Variants in APOBEC3H observed in about 807,000 individuals in gnomAD.
APOBEC3H encodes DNA dC->dU-editing enzyme APOBEC-3H.
APOBEC3H carries 8 observed loss-of-function variants against 21.2 expected under a neutral mutation model. The observed-to-expected ratio is 0.38, with a 90% CI of 0.22 to 0.68. The LOEUF (loss-of-function observed/expected upper bound fraction) is 0.68, where lower values mean the gene tolerates loss of function less well. APOBEC3H is among the 30% of genes least tolerant of loss of function. APOBEC3H has a pLI of 0.52. For missense variants in APOBEC3H, 229 were observed against 228.1 expected (o/e 1.00, Z -0.03); for synonymous variants, 88 against 91.0 (o/e 0.97, Z 0.19).
chr22:39,098,820 A>G (rs1384210923), intron 1 of APOBEC3H, among the ~76,000 whole-genome samples: 2 of 152,198 alleles, frequency 1.3e-5, no homozygotes, highest in East Asian at 3.9e-4. Flanking sequence ...AGCAGAATAG[A>G]AAGTAGATGG....
intron 2 of APOBEC3H, among the ~76,000 whole-genome samples, chr22:39,100,706 C>A (rs951887517): frequency 6.6e-6 from 1 of 152,116 alleles, no homozygotes; most frequent in African/African-American, 2.4e-5. Flanking sequence ...CTCATTCTCC[C>A]GATCTCAGCT....
intron 4 of APOBEC3H, 141 bp from the exon 5 acceptor site, chr22:39,103,548 C>A: frequency 1.2e-6 from 1 of 812,522 alleles, no homozygotes; most frequent in Non-Finnish European, 2.2e-6. Flanking sequence ...TTGTCACCTC[C>A]GTGTTTTTCT....
At chr22:39,100,194 T>C (rs139291) in intron 1 of APOBEC3H, 78 bp from the exon 2 acceptor site, 551,554 of 1,493,872 alleles carry the variant, frequency 0.37, 104,821 homozygotes, top group African/African-American at 0.54. Flanking sequence ...AAGAGTTGGG[T>C]TTGAAAAGTG....
intron 2 of APOBEC3H, 69 bp from the exon 3 acceptor site, chr22:39,101,168 G>GC: frequency 5.3e-6 from 1 of 189,352 alleles, no homozygotes; most frequent in Non-Finnish European, 8.1e-6. Context: ...CCCGGCCCCC[G>GC]CCCCCAGTCA....
intron 1 of APOBEC3H, among the ~76,000 whole-genome samples, chr22:39,098,276 A>G (rs1428822621): frequency 6.6e-6 from 1 of 152,150 alleles, no homozygotes; most frequent in Non-Finnish European, 1.5e-5. Flanking sequence ...GGGGTGTCTC[A>G]GTCTGTTGCC....
In APOBEC3H at chr22:39,101,357, G is replaced by T; in HGVS notation, c.271G>T (p.Glu91Ter). The change falls in exon 3 of 5, where the codon GAG becomes TAG. Residue 91 changes from glutamate (E) to a stop codon, truncating the protein, a stop_gained. Coordinates refer to ENST00000442487, the MANE Select transcript of APOBEC3H (RefSeq NM_181773.5). LOFTEE classifies it high-confidence loss of function. Reference sequence around the variant, plus strand: ...GAGCCCCTGCTCCTCCTGTGCCTGGGAGCTGGTTGACTTCATCAAGGCTCA... The same window carrying T: ...GAGCCCCTGCTCCTCCTGTGCCTGGTAGCTGGTTGACTTCATCAAGGCTCA... ...TWSPCSSCAW[E>*]LVDFIKAHDH... The T allele has an allele frequency of 6.2e-7, 1 of 1,612,924 alleles. No homozygotes were observed. The highest frequency in any genetic ancestry group is 2.2e-5 in the East Asian group (1 of 44,728).
At chr22:39,102,381 C>T in intron 4 of APOBEC3H, 1 of 655,624 alleles carries the variant, frequency 1.5e-6, no homozygotes, top group East Asian at 2.8e-5. Context: ...AACTCTTGGC[C>T]TCAAGTGACC....
chr22:39,101,170 C>CCCCCCCCCCCCCCA, intron 2 of APOBEC3H, 67 bp from the exon 3 acceptor site: 1 of 1,200,024 alleles, frequency 8.3e-7, no homozygotes, highest in Non-Finnish European at 1.2e-6. Context: ...CGGCCCCCGC[C>CCCCCCCCCCCCCCA]CCCAGTCACA....
chr22:39,100,600 G>A, intron 2 of APOBEC3H, 172 bp downstream of exon 2: 2 of 881,038 alleles, frequency 2.3e-6, no homozygotes, highest in Non-Finnish European at 3.3e-6. Context: ...GATCTGAGTG[G>A]CCCAGTTTCC....
At chr22:39,097,372 C>T (rs1293688293) in intron 1 of APOBEC3H, 29 bp downstream of exon 1, 1 of 152,914 alleles carries the variant, frequency 6.5e-6, no homozygotes, top group Non-Finnish European at 1.5e-5. Context: ...TCCACTGGGC[C>T]CTCTGCTGCC....
At chr22:39,098,079 C>G (rs139279) in intron 1 of APOBEC3H, among the ~76,000 whole-genome samples, 61,770 of 151,866 alleles carry the variant, frequency 0.41, 13,019 homozygotes, top group African/African-American at 0.52. Context: ...TGGCCCAGCT[C>G]CATGGCCTGG....
intron 1 of APOBEC3H, among the ~76,000 whole-genome samples, chr22:39,099,365 T>C (rs1290269994): frequency 6.6e-6 from 1 of 152,274 alleles, no homozygotes; most frequent in East Asian, 1.9e-4. Flanking sequence ...AACTGTGTTC[T>C]GTGCAGACAA....
intron 4 of APOBEC3H, chr22:39,102,670 T>A: frequency 1.5e-6 from 1 of 687,924 alleles, no homozygotes. Flanking sequence ...CGTCTATTAT[T>A]TACATCTTTA....
At chr22:39,101,113 A>C in intron 2 of APOBEC3H, 124 bp from the exon 3 acceptor site, 1 of 907,320 alleles carries the variant, frequency 1.1e-6, no homozygotes, top group Admixed American at 2.5e-5. Context: ...ACGCACTAGA[A>C]AGTTCACCGG....
In APOBEC3H at chr22:39,101,467, T is replaced by C. The variant is rs1287987430; in HGVS notation, c.381T>C (p.Cys127=). Residue 127 remains cysteine, a synonymous_variant, in exon 3 of 5, where the codon TGT becomes TGC. Transcript: ENST00000442487. ...KPQQKGLRLL[C]GSQVPVEVMG... is the part of the protein sequence containing the mutation. ...AGCAGAAGGGGCTGCGGCTTCTGTG[T>C]GGATCCCAGGTCCCGGTGGAGGTCA... The C allele has an allele frequency of 1.9e-6, 3 of 1,606,858 alleles. No homozygotes were observed. In the South Asian group the frequency reaches 3.3e-5, roughly 18 times the overall value.
chr22:39,101,225 G>C lies in APOBEC3H; in HGVS notation c.151-12G>C, dbSNP rs1281428441. On this transcript the variant is annotated splice_polypyrimidine_tract_variant and intron_variant, in intron 2 of 4. Transcript: ENST00000442487. ...TCTCCCCTCCCTTCTCTCTGTTTGG[G>C]ACCCTCCCCAGAAAAAGTGCCATGC... 1.9e-6 allele frequency: 3 copies of C among 1,606,430 alleles called. No individual in the cohort carries two copies. The highest frequency in any genetic ancestry group is 1.4e-5 in the African/African-American group (1 of 73,954).
Position 39,101,242 on chromosome 22 carries a change from G to A in APOBEC3H, c.156G>A (p.Lys52=), listed in dbSNP as rs776572204. ...CTGTTTGGGACCCTCCCCAGAAAAA[G>A]TGCCATGCAGAAATTTGCTTTATTA... ...PTRGYFENKK[K]CHAEICFINE... Residue 52 remains lysine, a synonymous_variant, in exon 3 of 5, where the codon AAG becomes AAA. Coordinates refer to ENST00000442487, the MANE Select transcript of APOBEC3H (RefSeq NM_181773.5). 2.6e-6 allele frequency: 4 copies of A among 1,550,630 alleles called. No homozygotes were observed. Among genetic ancestry groups the A allele is most frequent in the Non-Finnish European group, 3.5e-6 (4 of 1,140,086 alleles).
intron 4 of APOBEC3H, among the ~76,000 whole-genome samples, 175 bp from the exon 5 acceptor site, chr22:39,103,514 C>T (rs1359901372): frequency 6.6e-6 from 1 of 152,182 alleles, no homozygotes; most frequent in Non-Finnish European, 1.5e-5. Context: ...AGTAAACAGA[C>T]AATCTCCCTT....
chr22:39,102,242 G>A (rs536725761), intron 4 of APOBEC3H, among the ~76,000 whole-genome samples, 200 bp downstream of exon 4: 18 of 151,498 alleles, frequency 1.2e-4, no homozygotes, highest in Non-Finnish European at 2.1e-4. Context: ...TCTGCCTCCC[G>A]GGTTCAAGTG....
Sources: gnomAD v4.1 joint callset for allele counts (sites outside exome capture counted in the v4.1 genomes callset) on GRCh38, gnomAD v4.1.1 for gene constraint, MANE v1.5 for transcripts, NCBI Gene and HGNC (gene_info 2026-07-23, HGNC 2026-07-21) for gene names.